Variants in CEMIP2 observed in about 807,000 individuals in gnomAD.
CEMIP2 encodes cell surface hyaluronidase CEMIP2.
CEMIP2 carries 79 observed loss-of-function variants against 146.9 expected under a neutral mutation model. The observed-to-expected ratio is 0.54, with a 90% confidence interval of 0.45 to 0.65. The LOEUF (loss-of-function observed/expected upper bound fraction) is 0.65, where lower values mean the gene tolerates loss of function less well. CEMIP2 is among the 30% of genes least tolerant of loss of function. The pLI is 0.00. For synonymous variants in CEMIP2, 601 were observed against 606.3 expected (o/e 0.99, Z 0.13); for missense variants, 1,596 against 1,696.2 (o/e 0.94, Z 1.04).
Position 71,745,305 on chromosome 9 carries a change from G to A in CEMIP2, c.747C>T (p.Ser249=). Residue 249 remains serine (S), a synonymous_variant, in exon 4 of 24, where the codon TCC becomes TCT. Transcript: ENST00000377044. ...SWTLLARTLN[S]SGLPFGSYTF... is the part of the protein sequence containing the mutation. ...TATAGGACCCAAAGGGCAAGCCTGAGGAATTCAGGGTCCTTGCCAACAACG... is the reference window on the plus strand; with the variant it reads ...TATAGGACCCAAAGGGCAAGCCTGAAGAATTCAGGGTCCTTGCCAACAACG... 1 of 1,613,830 alleles carries A rather than the reference G, an allele frequency of 6.2e-7. No homozygotes were observed. The highest frequency in any genetic ancestry group is 8.5e-7 in the Non-Finnish European group (1 of 1,179,762).
Position 71,700,699 on chromosome 9 carries a change from AG to A in CEMIP2, c.3319del (p.Leu1107TrpfsTer153). 1 of 1,612,424 alleles carries A rather than the reference AG, an allele frequency of 6.2e-7. No homozygotes were observed. The highest frequency in any genetic ancestry group is 8.5e-7 in the Non-Finnish European group (1 of 1,179,520). ...KIEEYEPVHS[L>X]EELQRKQSER... ...GGATTGCTTTCTTTGCAGTTCTTCC[AG>A]TGAATGCACAGGCTCATATTCTTCG... On this transcript the variant is annotated frameshift_variant, in exon 19 of 24. Transcript: ENST00000377044. LOFTEE classifies it high-confidence loss of function.
intron 15 of CEMIP2, 93 bp from the exon 16 acceptor site, chr9:71,712,353 T>C: frequency 7.8e-7 from 1 of 1,284,896 alleles, no homozygotes; most frequent in Non-Finnish European, 1.1e-6. Context: ...AAATATCCGG[T>C]ATGAACTAAG....
At chr9:71,728,807 TG>T (rs1307100241) in intron 10 of CEMIP2, among the ~76,000 whole-genome samples, 1 of 119,762 alleles carries the variant, frequency 8.3e-6, no homozygotes, top group Non-Finnish European at 1.8e-5. Flanking sequence ...GTCTTTTTTG[TG>T]GGGTTTTTGT....
chr9:71,717,661 T>C (rs1425602217), intron 13 of CEMIP2, among the ~76,000 whole-genome samples: 1 of 152,204 alleles, frequency 6.6e-6, no homozygotes, highest in African/African-American at 2.4e-5. Flanking sequence ...CGCTCTGACA[T>C]AGACCATGCT....
At chr9:71,717,466 T>C (rs1823093084) in intron 13 of CEMIP2, among the ~76,000 whole-genome samples, 1 of 152,056 alleles carries the variant, frequency 6.6e-6, no homozygotes, top group Non-Finnish European at 1.5e-5. Context: ...ATGAGACCAC[T>C]CCTAAAATTA....
intron 21 of CEMIP2, among the ~76,000 whole-genome samples, chr9:71,692,558 G>A (rs1297079581): frequency 1.3e-5 from 2 of 151,862 alleles, no homozygotes; most frequent in African/African-American, 4.8e-5. Context: ...ATTACATCAC[G>A]GGTGTATTAC....
rs1370438091 is a variant in CEMIP2, at chr9:71,750,063, G to C, written c.311C>G (p.Ser104Cys). The C allele has an allele frequency of 1.2e-6, 2 of 1,606,180 alleles. No individual in the cohort carries two copies. Among genetic ancestry groups the C allele is most frequent in the Non-Finnish European group, 1.7e-6 (2 of 1,175,928 alleles). ...FIALAIILGI[S>C]SKYAPDENCP... ...CTTACCATCTGGAGCATATTTTGAG[G>C]ATATTCCTAAAATGATTGCAAGTGC... Residue 104 changes from serine (S) to cysteine (C), a missense_variant, in exon 2 of 24, where the codon TCC (serine) becomes TGC (cysteine). Coordinates refer to ENST00000377044, the MANE Select transcript of CEMIP2 (RefSeq NM_013390.3).
chr9:71,761,937 G>A lies in CEMIP2; in HGVS notation c.-13+6420C>T, dbSNP rs553883820. On this transcript the variant is annotated intron_variant, in intron 1 of 23. Coordinates refer to ENST00000377044, the MANE Select transcript of CEMIP2 (RefSeq NM_013390.3). ...CTCACCCAAATGTGCACCACCAGAC[G>A]ATTACTAATATCTTTCTTATTTTGC... 9.2e-5 allele frequency among the ~76,000 whole-genome samples: 14 copies of A among 151,666 alleles called. 1 individual carries two copies. Among genetic ancestry groups the A allele is most frequent in the Middle Eastern group, 3.4e-3 (1 of 292 alleles).
At position 71,683,519 on chromosome 9, in the gene CEMIP2, A is replaced by AACACACACACACACACAC. The variant is rs59888879; in HGVS notation, c.*1660_*1677dup. Reference sequence around the variant, plus strand: ...ACACGTAAAGATATTTAAGTCATAAAACACACACACACACACACACACACA... The same window carrying AACACACACACACACACAC: ...ACACGTAAAGATATTTAAGTCATAAAACACACACACACACACACACACACACACACACACACACACACA... On this transcript the variant is annotated 3_prime_UTR_variant, in exon 24 of 24. Transcript: ENST00000377044. The AACACACACACACACACAC allele has an allele frequency of 5.9e-5, 8 of 134,582 alleles. No homozygotes were observed. Among genetic ancestry groups the AACACACACACACACACAC allele is most frequent in the South Asian group, 4.9e-4 (2 of 4,106 alleles). The allele number at this position is 134,582 out of a possible 1,614,324, so 8.3% of individuals were successfully genotyped here.
intron 16 of CEMIP2, among the ~76,000 whole-genome samples, chr9:71,709,923 A>G (rs1195452250): frequency 6.6e-6 from 1 of 152,212 alleles, no homozygotes; most frequent in African/African-American, 2.4e-5. Context: ...TAAAAAATCT[A>G]TGATAAGTTA....
rs1823115994 is a variant in CEMIP2 at position 71,717,983 on chromosome 9, C to G, written c.2364G>C (p.Trp788Cys). 1 of 1,611,564 alleles carries G rather than the reference C, an allele frequency of 6.2e-7. No homozygotes were observed. The highest frequency in any genetic ancestry group is 8.5e-7 in the Non-Finnish European group (1 of 1,178,824). ...GAACGATAATATCTCCTCCTCTGAC[C>G]CAAGCTCCATTATCATTATTTTTAA... The part of the protein sequence containing the change: ...IAFKNNDNGA[W>C]VRGGDIIVQN... The change falls in exon 13 of 24, where the codon TGG becomes TGC. Residue 788 changes from tryptophan to cysteine, a missense_variant. Physicochemically the swap from Trp to Cys is radical, Grantham distance 215 (BLOSUM62 -2). Transcript: ENST00000377044.
chr9:71,723,486 A>G (rs1823301702), intron 11 of CEMIP2, among the ~76,000 whole-genome samples: 1 of 152,220 alleles, frequency 6.6e-6, no homozygotes, highest in Non-Finnish European at 1.5e-5. Flanking sequence ...TACTAAGTAG[A>G]ATTGATATCA....
In CEMIP2 at chr9:71,701,752, A is replaced by G. The variant is rs75748675; in HGVS notation, c.3195-928T>C. Among the ~76,000 whole-genome samples, 1,093 of 152,274 alleles carry G rather than the reference A, an allele frequency of 7.2e-3. 11 individuals carry two copies. Among genetic ancestry groups the G allele is most frequent in the African/African-American group, 0.024 (1,001 of 41,544 alleles). On this transcript the variant is annotated intron_variant, in intron 18 of 23. Coordinates refer to ENST00000377044, the MANE Select transcript of CEMIP2 (RefSeq NM_013390.3). ...ATAAAATTAATCCTTTTTAAAAATT[A>G]AAAACATTTCCACTTTTTATCATTT...
Position 71,704,755 on chromosome 9 carries a change from G to C in CEMIP2, c.3034C>G (p.Arg1012Gly), listed in dbSNP as rs780849860. 1.9e-6 allele frequency: 3 copies of C among 1,614,100 alleles called. No individual in the cohort carries two copies. Among genetic ancestry groups the C allele is most frequent in the Admixed American group, 3.3e-5 (2 of 60,018 alleles). Residue 1012 changes from arginine (R) to glycine (G), a missense_variant, in exon 18 of 24, where the codon CGA becomes GGA. Arg to Gly is a moderately radical substitution (Grantham distance 125, BLOSUM62 -2). Transcript: ENST00000377044. The stretch of plus-strand genomic sequence containing the variant: ...ATAGGGTTGGACGGATACTCATCTC[G>C]TGTAATGGTCATAGAAAGATTCTGA... ...STQNLSMTIT[R>G]DEYPSNPMVL...
At position 71,730,894 on chromosome 9, in the gene CEMIP2, T is replaced by TG; in HGVS notation, c.1583dup (p.Val529SerfsTer28). On this transcript the variant is annotated frameshift_variant, in exon 8 of 24. Coordinates refer to ENST00000377044, the MANE Select transcript of CEMIP2 (RefSeq NM_013390.3). LOFTEE classifies it high-confidence loss of function. ...TCAATTCCACATAAGAAAGATGGACTGAAGTAAAATTTTTCATTATCTGTA... is the reference window on the plus strand; with the variant it reads ...TCAATTCCACATAAGAAAGATGGACTGGAAGTAAAATTTTTCATTATCTGTA... The TG allele has an allele frequency of 6.2e-7, 1 of 1,614,190 alleles. No homozygotes were observed. Among genetic ancestry groups the TG allele is most frequent in the East Asian group, 2.2e-5 (1 of 44,884 alleles).
chr9:71,762,048 G>T (rs1039325184), intron 1 of CEMIP2, among the ~76,000 whole-genome samples: 5 of 151,994 alleles, frequency 3.3e-5, no homozygotes, highest in African/African-American at 7.2e-5. Flanking sequence ...TGGGAGGGAG[G>T]GGAGGGTGAC....
chr9:71,704,302 C>G (rs1284310478), intron 18 of CEMIP2: 1 of 345,584 alleles, frequency 2.9e-6, no homozygotes, highest in Non-Finnish European at 5.4e-6. Flanking sequence ...AAACTACTTC[C>G]CATCCCAGCT....
At chr9:71,768,897 T>TGGGCGGGCGGGC (rs945739092), upstream of CEMIP2, 1 of 2,838 alleles carries the variant, frequency 3.5e-4, no homozygotes, top group African/African-American at 2.6e-3. Flanking sequence ...AACTGTGGAT[T>TGGGCGGGCGGGC]GGGCGGGCGG....
chr9:71,755,236 C>T (rs565776363), intron 1 of CEMIP2, among the ~76,000 whole-genome samples: 97 of 141,608 alleles, frequency 6.8e-4, no homozygotes, highest in Middle Eastern at 8.5e-3. Context: ...TTTGGCCAAG[C>T]AAGGTGGCTC....
Sources: gnomAD v4.1 joint callset for allele counts (sites outside exome capture counted in the v4.1 genomes callset) on GRCh38, gnomAD v4.1.1 for gene constraint, MANE v1.5 for transcripts, NCBI Gene and HGNC (gene_info 2026-07-23, HGNC 2026-07-21) for gene names.